The following DOCK7 variants were observed in gnomAD, a reference collection of about 807,000 sequenced individuals.
The protein encoded by DOCK7 is dedicator of cytokinesis protein 7.
DOCK7 carries 138 observed loss-of-function variants against 271.0 expected under a neutral mutation model. The observed-to-expected ratio is 0.51, with a 90% CI of 0.44 to 0.59. DOCK7 has a LOEUF of 0.59. Among genes scored for constraint, DOCK7 ranks in the 20% least tolerant of loss-of-function variants. The probability of loss-of-function intolerance (pLI) is 0.00; values close to 1 mark genes in which losing one functional copy is unlikely to be tolerated. For missense variants in DOCK7, 2,066 were observed against 2,592.4 expected, an observed-to-expected ratio of 0.80 and a Z score of 4.41; for synonymous variants, 823 against 876.1, an observed-to-expected ratio of 0.94 and a Z score of 1.07.
intron 31 of DOCK7, among the ~76,000 whole-genome samples, chr1:62,527,708 T>C (rs1477016512): frequency 3.0e-5 from 4 of 133,332 alleles, no homozygotes; most frequent in Non-Finnish European, 6.2e-5. Flanking sequence ...AAGGGGAACA[T>C]CACATACCGG....
chr1:62,600,894 G>T, intron 14 of DOCK7: 1 of 504,510 alleles, frequency 2.0e-6, no homozygotes, highest in Non-Finnish European at 3.6e-6. Flanking sequence ...ATTAAATAAT[G>T]TCCCTGATTA....
intron 1 of DOCK7, 54 bp downstream of exon 1, chr1:62,688,173 T>C (rs1238891860): frequency 1.5e-6 from 2 of 1,338,990 alleles, no homozygotes; most frequent in East Asian, 3.4e-5. Context: ...CTGGGAGGAC[T>C]CCGCGGCTCT....
chr1:62,605,049 G>A, intron 14 of DOCK7: 1 of 445,144 alleles, frequency 2.2e-6, no homozygotes, highest in Non-Finnish European at 4.0e-6. Context: ...TTTGTGATGT[G>A]GGAATCAATT....
rs1157437288 is a variant in DOCK7, at chr1:62,625,165, T to A, written c.1425+94A>T. On this transcript the variant is annotated intron_variant, in intron 12 of 49. Coordinates refer to ENST00000635253, the MANE Select transcript of DOCK7 (RefSeq NM_001367561.1). ...GTTTTTAAGTTTCTTGGAATCACCC[T>A]CCCATACATGTATAGTACAATCACT... 3 of 1,127,134 alleles carry A rather than the reference T, an allele frequency of 2.7e-6. No homozygotes were observed. In the African/African-American group the frequency reaches 4.7e-5, roughly 18 times the overall value. The allele number at this position is 1,127,134 out of a possible 1,614,324, so 69.8% of individuals were successfully genotyped here.
intron 4 of DOCK7, among the ~76,000 whole-genome samples, chr1:62,648,761 T>C (rs1656977927): frequency 6.6e-6 from 1 of 152,142 alleles, no homozygotes; most frequent in Non-Finnish European, 1.5e-5. Flanking sequence ...AAATCATATT[T>C]TCCTTCTTTC....
intron 48 of DOCK7, among the ~76,000 whole-genome samples, chr1:62,462,375 C>A (rs1307489987): frequency 6.6e-6 from 1 of 152,174 alleles, no homozygotes; most frequent in Non-Finnish European, 1.5e-5. Flanking sequence ...ATTGCTCTGC[C>A]ACACGGCAAA....
chr1:62,506,992 A>G (rs1455409202), intron 35 of DOCK7, among the ~76,000 whole-genome samples: 1 of 151,574 alleles, frequency 6.6e-6, no homozygotes. Flanking sequence ...AAAATAGAGT[A>G]GAGTCAGGGT....
At chr1:62,552,231 C>T (rs1407581207) in intron 22 of DOCK7, among the ~76,000 whole-genome samples, 4 of 151,956 alleles carry the variant, frequency 2.6e-5, no homozygotes, top group Admixed American at 6.6e-5. Context: ...GTGGGGGAAG[C>T]GTTCTCTTTT....
intron 7 of DOCK7, chr1:62,641,258 TC>T (rs1225457903): frequency 4.8e-6 from 2 of 417,338 alleles, no homozygotes; most frequent in Non-Finnish European, 9.4e-6. Context: ...TCTCTTCTTC[TC>T]CATGGTGGCT....
intron 43 of DOCK7, chr1:62,482,340 A>G (rs1646151753): frequency 1.0e-5 from 1 of 95,296 alleles, no homozygotes; most frequent in Non-Finnish European, 2.1e-5. Context: ...ACCCGACTCT[A>G]AGCATTTTTT....
chr1:62,533,741 C>T (rs1040475767), intron 29 of DOCK7, among the ~76,000 whole-genome samples: 3 of 152,150 alleles, frequency 2.0e-5, no homozygotes, highest in South Asian at 2.1e-4. Flanking sequence ...ACAATTTATT[C>T]GGTATTGACT....
chr1:62,583,900 G>A (rs1324170701), intron 15 of DOCK7, among the ~76,000 whole-genome samples: 2 of 152,052 alleles, frequency 1.3e-5, no homozygotes, highest in Admixed American at 1.3e-4. Context: ...CTTGACTTCT[G>A]GAGTAATAAC....
chr1:62,648,470 T>G lies in DOCK7; in HGVS notation c.464A>C (p.Lys155Thr). 6.5e-7 allele frequency: 1 copy of G among 1,545,694 alleles called. No homozygotes were observed. Among genetic ancestry groups the G allele is most frequent in the South Asian group, 1.3e-5 (1 of 78,952 alleles). Residue 155 changes from lysine to threonine, a missense_variant, in exon 5 of 50, where the codon AAA (lysine) becomes ACA (threonine). Coordinates refer to ENST00000635253, the MANE Select transcript of DOCK7 (RefSeq NM_001367561.1). ...KQKERQKGLP[K>T]QVFESDEAPD... Reference sequence around the variant, plus strand: ...AGCTTCATCAGATTCAAAAACTTGTTTTGGCAAACCTTTTTGCCTTTCTTT... The same window carrying G: ...AGCTTCATCAGATTCAAAAACTTGTGTTGGCAAACCTTTTTGCCTTTCTTT...
Position 62,476,089 on chromosome 1 carries a change from T to G in DOCK7, c.5702A>C (p.Lys1901Thr). ...EVIKDSNPVD[K>T]CKLDPNKAYI... ...TACCTTGTTAGGATCTAATTTACAC[T>G]TGTCTACAGGATTAGAGTCTTTGAT... Residue 1901 changes from lysine (K) to threonine (T), a missense_variant, in exon 45 of 50, where the codon AAG (lysine) becomes ACG (threonine). Transcript: ENST00000635253. 2 of 1,613,230 alleles carry G rather than the reference T, an allele frequency of 1.2e-6. No individual in the cohort carries two copies. Among genetic ancestry groups the G allele is most frequent in the Non-Finnish European group, 1.7e-6 (2 of 1,179,538 alleles).
intron 1 of DOCK7, among the ~76,000 whole-genome samples, chr1:62,675,491 G>A (rs566534701): frequency 6.6e-6 from 1 of 152,188 alleles, no homozygotes; most frequent in South Asian, 2.1e-4. Flanking sequence ...CATAAAAAAG[G>A]TCACTAGTTG....
chr1:62,519,451 G>T (rs1423232559), intron 31 of DOCK7, among the ~76,000 whole-genome samples: 6 of 152,002 alleles, frequency 3.9e-5, no homozygotes, highest in Non-Finnish European at 8.8e-5. Flanking sequence ...CAGAAACAAG[G>T]ATATCTAGAA....
chr1:62,473,036 T>C (rs1484288448), intron 48 of DOCK7, among the ~76,000 whole-genome samples: 1 of 152,172 alleles, frequency 6.6e-6, no homozygotes, highest in Non-Finnish European at 1.5e-5. Context: ...TGACTTTACT[T>C]GGTATTCTTT....
intron 29 of DOCK7, among the ~76,000 whole-genome samples, chr1:62,532,486 C>A (rs1340595774): frequency 6.6e-6 from 1 of 152,160 alleles, no homozygotes; most frequent in Non-Finnish European, 1.5e-5. Flanking sequence ...TATGCACCAC[C>A]ATGTACGGCT....
intron 14 of DOCK7, chr1:62,602,338 GA>G: frequency 6.2e-7 from 1 of 1,610,900 alleles, no homozygotes; most frequent in Middle Eastern, 1.7e-4. Context: ...AAACTTCAAT[GA>G]AACGTGGGAG....
Sources: gnomAD v4.1 joint callset for allele counts (sites outside exome capture counted in the v4.1 genomes callset) on GRCh38, gnomAD v4.1.1 for gene constraint, MANE v1.5 for transcripts, NCBI Gene and HGNC (gene_info 2026-07-23, HGNC 2026-07-21) for gene names.